Variants in PGAP4 observed in about 807,000 individuals in gnomAD.
PGAP4 encodes GPI-N-acetylgalactosamine transferase PGAP4.
PGAP4 carries 12 observed loss-of-function variants against 28.2 expected under a neutral mutation model. That is an observed-to-expected ratio of 0.42 (90% confidence interval 0.27 to 0.69). PGAP4 has a LOEUF of 0.69. PGAP4 is among the 30% of genes least tolerant of loss of function. PGAP4 has a pLI of 0.22. For missense variants in PGAP4, 425 were observed against 513.5 expected (o/e 0.83, Z 1.67); for synonymous variants, 205 against 211.8 (o/e 0.97, Z 0.28).
At chr9:101,520,001 G>T (rs753119852) in intron 2 of PGAP4, among the ~76,000 whole-genome samples, 239 of 152,160 alleles carry the variant, frequency 1.6e-3, no homozygotes, top group Admixed American at 2.7e-3. Flanking sequence ...TTTATGTTTT[G>T]TTTGCTTTGT....
chr9:101,501,877 G>A, intron 2 of PGAP4: 2 of 443,294 alleles, frequency 4.5e-6, no homozygotes, highest in African/African-American at 4.0e-5. Context: ...TGATGATCTG[G>A]TGGAACATGT....
intron 2 of PGAP4, among the ~76,000 whole-genome samples, chr9:101,526,407 C>T (rs1827036363): frequency 1.3e-5 from 2 of 152,174 alleles, no homozygotes; most frequent in African/African-American, 4.8e-5. Flanking sequence ...CTATTGAAAT[C>T]TCTATTACCC....
Position 101,477,014 on chromosome 9 carries a change from G to T in PGAP4, c.79C>A (p.Leu27Ile). ...AACGTCACCACTGTTAGGATGAAGAGCTGGACAGCAGTGCTGCCCCAGGAG... is the reference window on the plus strand; with the variant it reads ...AACGTCACCACTGTTAGGATGAAGATCTGGACAGCAGTGCTGCCCCAGGAG... Reference protein sequence around the residue: ...RLSWGSTAVQLFILTVVTFGL... With the variant: ...RLSWGSTAVQIFILTVVTFGL... Residue 27 changes from leucine (L) to isoleucine (I), a missense_variant, in exon 2 of 2, where the codon CTC becomes ATC. Physicochemically the swap from Leu to Ile is conservative, Grantham distance 5. Coordinates refer to ENST00000374848, the MANE Select transcript of PGAP4 (RefSeq NM_032342.3). 6.2e-7 allele frequency: 1 copy of T among 1,613,716 alleles called. No individual in the cohort carries two copies. Among genetic ancestry groups the T allele is most frequent in the Non-Finnish European group, 8.5e-7 (1 of 1,179,970 alleles).
chr9:101,498,884 AT>A (rs1441723949), intron 2 of PGAP4, among the ~76,000 whole-genome samples: 3 of 151,862 alleles, frequency 2.0e-5, no homozygotes, highest in African/African-American at 7.2e-5. Context: ...TAGAATGTTT[AT>A]TTTTTTCTTC....
intron 2 of PGAP4, among the ~76,000 whole-genome samples, chr9:101,530,106 G>A (rs1827074489): frequency 6.6e-6 from 1 of 152,198 alleles, no homozygotes; most frequent in African/African-American, 2.4e-5. Context: ...TTGTAAAGCA[G>A]TGTAGAAAAA....
At chr9:101,503,217 G>A (rs1826818765) in intron 2 of PGAP4, among the ~76,000 whole-genome samples, 1 of 151,984 alleles carries the variant, frequency 6.6e-6, no homozygotes, top group Non-Finnish European at 1.5e-5. Flanking sequence ...GGACTAAAAA[G>A]CGATCTTACA....
At chr9:101,498,537 A>T (rs1175979924) in intron 2 of PGAP4, among the ~76,000 whole-genome samples, 2 of 151,256 alleles carry the variant, frequency 1.3e-5, no homozygotes, top group African/African-American at 4.9e-5. Context: ...ATGCCAGAGC[A>T]GTGAGATAGC....
At chr9:101,477,912 T>C (rs143714474) in intron 1 of PGAP4, among the ~76,000 whole-genome samples, 11 of 148,794 alleles carry the variant, frequency 7.4e-5, no homozygotes, top group African/African-American at 2.5e-4. Context: ...AGCTTTTCAA[T>C]GAGGGAGCGG....
chr9:101,493,834 G>C (rs1199230955), intron 2 of PGAP4, among the ~76,000 whole-genome samples: 1 of 152,034 alleles, frequency 6.6e-6, no homozygotes, highest in African/African-American at 2.4e-5. Context: ...TAGAGCTTTA[G>C]GAATAAGGCA....
upstream of PGAP4, among the ~76,000 whole-genome samples, chr9:101,489,761 A>C (rs1826669811): frequency 6.6e-6 from 1 of 152,218 alleles, no homozygotes; most frequent in Non-Finnish European, 1.5e-5. Flanking sequence ...AGCTGACTGG[A>C]TGACCAGGAG....
At chr9:101,519,619 T>C (rs1261031264) in intron 2 of PGAP4, among the ~76,000 whole-genome samples, 5 of 150,702 alleles carry the variant, frequency 3.3e-5, no homozygotes, top group African/African-American at 1.2e-4. Flanking sequence ...ATTTATTATT[T>C]ACTATATATA....
intron 2 of PGAP4, among the ~76,000 whole-genome samples, chr9:101,511,430 T>C (rs1826897514): frequency 6.6e-6 from 1 of 152,174 alleles, no homozygotes; most frequent in Non-Finnish European, 1.5e-5. Context: ...TGACTTTGCC[T>C]CTTTAAACCC....
chr9:101,533,646 C>G (rs959637131), upstream of PGAP4: 1 of 152,278 alleles, frequency 6.6e-6, no homozygotes, highest in Non-Finnish European at 1.5e-5. Context: ...CGTCAGGCAT[C>G]AGCGAGGCCC....
Position 101,523,619 on chromosome 9 carries a change from C to CATTTTTT in PGAP4, c.-165+7728_-165+7729insAAAAAAT, listed in dbSNP as rs1245170432. ...ACATTTCTCCCCTCACTTCTTGTAT[C>CATTTTTT]TTTTTTTTTTTTTTTTTTTTTTTTT... is the stretch of plus-strand genomic sequence containing the variant. On this transcript the variant is annotated intron_variant, in intron 2 of 3. Coordinates refer to the PGAP4 transcript ENST00000374851. Among the ~76,000 whole-genome samples, 135 of 59,324 alleles carry CATTTTTT rather than the reference C, an allele frequency of 2.3e-3. 6 individuals carry two copies. Among genetic ancestry groups the CATTTTTT allele is most frequent in the African/African-American group, 2.8e-3 (40 of 14,128 alleles). 38.9% of individuals were successfully genotyped at this position (59,324 alleles called of 152,430 possible). A position where few individuals can be genotyped will look rare whatever the true frequency, so the allele number is the denominator to read the frequency against.
chr9:101,529,577 G>A (rs1013030361), intron 2 of PGAP4, among the ~76,000 whole-genome samples: 4 of 152,202 alleles, frequency 2.6e-5, no homozygotes, highest in African/African-American at 7.2e-5. Flanking sequence ...TTTAAAAAAG[G>A]CAGACCTGGC....
chr9:101,521,671 A>G (rs1826989172), intron 2 of PGAP4, among the ~76,000 whole-genome samples: 1 of 146,930 alleles, frequency 6.8e-6, no homozygotes, highest in Non-Finnish European at 1.5e-5. Context: ...TTTTTGTTTC[A>G]TTTATCTTTT....
intron 2 of PGAP4, chr9:101,501,559 A>G (rs1334903507): frequency 2.4e-6 from 1 of 420,734 alleles, no homozygotes; most frequent in Non-Finnish European, 4.7e-6. Context: ...TAGAGGAGAA[A>G]TATTTCCTGG....
chr9:101,506,955 G>A (rs936939266), intron 2 of PGAP4, among the ~76,000 whole-genome samples: 9 of 152,020 alleles, frequency 5.9e-5, no homozygotes, highest in African/African-American at 2.2e-4. Flanking sequence ...TTTTCCCGTG[G>A]TTCCAAACCC....
chr9:101,517,372 A>G (rs1826951696), intron 2 of PGAP4, among the ~76,000 whole-genome samples: 1 of 152,192 alleles, frequency 6.6e-6, no homozygotes, highest in Admixed American at 6.5e-5. Context: ...TGGAAAATAT[A>G]TCTATATCAC....
Sources: allele counts gnomAD v4.1 joint callset (sites outside exome capture counted in the v4.1 genomes callset), GRCh38; gene constraint gnomAD v4.1.1; transcripts MANE v1.5; gene names NCBI Gene and HGNC (gene_info 2026-07-23, HGNC 2026-07-21).